The following USP12 variants were observed in gnomAD, a reference collection of about 807,000 sequenced individuals.
USP12 encodes the protein ubiquitin specific peptidase 12.
USP12 carries 19 observed loss-of-function variants against 45.5 expected under a neutral mutation model. The ratio of observed to expected loss-of-function variants is 0.42; its 90% CI spans 0.29 to 0.61. The LOEUF (loss-of-function observed/expected upper bound fraction) is 0.61. USP12 is among the 20% of genes least tolerant of loss of function. The probability of loss-of-function intolerance (pLI) is 0.22; values close to 1 mark genes in which losing one functional copy is unlikely to be tolerated. For synonymous variants in USP12, 149 were observed against 148.8 expected (o/e 1.00, Z -0.01); for missense variants, 242 against 447.7 (o/e 0.54, Z 4.15).
At position 27,071,104 on chromosome 13, in the gene USP12, A is replaced by G. The variant is rs149312874; in HGVS notation, c.978T>C (p.Asp326=). The G allele has an allele frequency of 7.6e-5, 123 of 1,609,960 alleles. No homozygotes were observed. In the Middle Eastern group the frequency reaches 1.5e-3, roughly 20 times the overall value. The change falls in exon 8 of 9, where the codon GAT becomes GAC. Residue 326 remains aspartate, a synonymous_variant. Coordinates refer to ENST00000282344, the MANE Select transcript of USP12 (RefSeq NM_182488.4). ...GHYIAIVKSH[D]FWLLFDDDIV... Reference sequence around the variant, plus strand: ...TGTCGTCATCAAACAACAACCAAAAATCATGACTCTTAACTATTGCAATAT... The same window carrying G: ...TGTCGTCATCAAACAACAACCAAAAGTCATGACTCTTAACTATTGCAATAT...
intron 1 of USP12, among the ~76,000 whole-genome samples, chr13:27,135,186 C>T (rs1876746209): frequency 2.0e-5 from 3 of 151,998 alleles, no homozygotes; most frequent in Admixed American, 2.0e-4. Flanking sequence ...ACTCAGGAAG[C>T]TGAGGTGGAA....
At chr13:27,074,664 G>A (rs1049790258) in intron 7 of USP12, among the ~76,000 whole-genome samples, 1 of 152,130 alleles carries the variant, frequency 6.6e-6, no homozygotes, top group Non-Finnish European at 1.5e-5. Context: ...CCAATTATAG[G>A]TATGTACGTT....
At chr13:27,146,586 C>T (rs556647) in intron 1 of USP12, among the ~76,000 whole-genome samples, 66 of 152,052 alleles carry the variant, frequency 4.3e-4, no homozygotes, top group Non-Finnish European at 8.1e-4. Context: ...TGCAGAGCTC[C>T]GATGTTGGCT....
rs114774810 is a variant in USP12 at position 27,144,410 on chromosome 13, G to A, written c.48+27182C>T. On this transcript the variant is annotated intron_variant, in intron 1 of 8. Coordinates refer to ENST00000282344, the MANE Select transcript of USP12 (RefSeq NM_182488.4). ...CTCAAGAGGCTGAGGCAGGATGTTCGCTTGAGCCCAGGAGGTCAAGACTGC... is the reference window on the plus strand; with the variant it reads ...CTCAAGAGGCTGAGGCAGGATGTTCACTTGAGCCCAGGAGGTCAAGACTGC... Among the ~76,000 whole-genome samples the A allele has an allele frequency of 7.8e-3, 1,177 of 150,320 alleles. 18 individuals are homozygous for A. The highest frequency in any genetic ancestry group is 0.027 in the African/African-American group (1,118 of 40,860).
Position 27,155,066 on chromosome 13 carries a change from CTTTTTTTTTTTTTTTTTT to C in USP12, c.48+16508_48+16525del, listed in dbSNP as rs71083634. On this transcript the variant is annotated intron_variant, in intron 1 of 8. Coordinates refer to ENST00000282344, the MANE Select transcript of USP12 (RefSeq NM_182488.4). ...TTTTTTTTTTTTCTGATGTCCACAA[CTTTTTTTTTTTTTTTTTT>C]TTTTTTTTTTTTTTTGAGACGGAAC... 9.2e-4 allele frequency among the ~76,000 whole-genome samples: 53 copies of C among 57,662 alleles called. 3 individuals carry two copies. Among genetic ancestry groups the C allele is most frequent in the Admixed American group, 2.2e-3 (7 of 3,202 alleles). The allele number at this position is 57,662 out of a possible 152,430, so 37.8% of individuals were successfully genotyped here.
chr13:27,167,788 CTT>C (rs1230345150), intron 1 of USP12, among the ~76,000 whole-genome samples: 7 of 152,184 alleles, frequency 4.6e-5, no homozygotes, highest in Admixed American at 1.3e-4. Flanking sequence ...GAAGAGGAGA[CTT>C]TCACACACAC....
intron 2 of USP12, among the ~76,000 whole-genome samples, chr13:27,112,113 A>C (rs1365748451): frequency 6.6e-6 from 1 of 152,148 alleles, no homozygotes; most frequent in Non-Finnish European, 1.5e-5. Context: ...GTCTAGGTTC[A>C]AGTCTGGTTC....
At chr13:27,142,340 G>A (rs1877103077) in intron 1 of USP12, among the ~76,000 whole-genome samples, 2 of 152,150 alleles carry the variant, frequency 1.3e-5, no homozygotes. Context: ...GAAGAATAAT[G>A]ATGAAAAGAC....
intron 3 of USP12, among the ~76,000 whole-genome samples, chr13:27,100,914 G>A (rs1874836600): frequency 1.3e-5 from 2 of 152,214 alleles, no homozygotes; most frequent in Non-Finnish European, 2.9e-5. Flanking sequence ...TTGGCTTGAT[G>A]CCACAATCTG....
At chr13:27,107,485 A>C (rs1875196278) in intron 2 of USP12, among the ~76,000 whole-genome samples, 1 of 152,214 alleles carries the variant, frequency 6.6e-6, no homozygotes, top group African/African-American at 2.4e-5. Context: ...AAATCAGAAA[A>C]ATAAAAGCCT....
At chr13:27,086,697 T>G (rs1874062035) in intron 6 of USP12, among the ~76,000 whole-genome samples, 3 of 152,154 alleles carry the variant, frequency 2.0e-5, no homozygotes, top group Admixed American at 6.5e-5. Flanking sequence ...CAGATGGGCC[T>G]TCCTCCATAT....
chr13:27,131,636 A>G (rs1876507918), intron 1 of USP12, among the ~76,000 whole-genome samples: 2 of 152,208 alleles, frequency 1.3e-5, no homozygotes, highest in Admixed American at 6.5e-5. Flanking sequence ...TTAGCTTCCT[A>G]TGGACAGTTA....
At chr13:27,096,021 A>G (rs1413340804) in intron 3 of USP12, among the ~76,000 whole-genome samples, 191 bp from the exon 4 acceptor site, 1 of 152,212 alleles carries the variant, frequency 6.6e-6, no homozygotes, top group Non-Finnish European at 1.5e-5. Flanking sequence ...AAATTAATTA[A>G]AATCTTGTTT....
intron 3 of USP12, 109 bp from the exon 4 acceptor site, chr13:27,095,939 C>T: frequency 1.3e-6 from 1 of 764,196 alleles, no homozygotes. Flanking sequence ...AATATAAATG[C>T]ACAATGTTTT....
At chr13:27,106,151 A>G (rs1411816169) in intron 2 of USP12, among the ~76,000 whole-genome samples, 1 of 150,320 alleles carries the variant, frequency 6.7e-6, no homozygotes, top group Non-Finnish European at 1.5e-5. Context: ...TCAGGTTCTT[A>G]GGTACATCCA....
At chr13:27,147,431 C>G (rs539747034) in intron 1 of USP12, among the ~76,000 whole-genome samples, 48 of 151,996 alleles carry the variant, frequency 3.2e-4, no homozygotes, top group Admixed American at 6.6e-4. Context: ...TCTAAAAATT[C>G]TAGCTAACAA....
At chr13:27,105,280 C>G (rs557508349) in intron 3 of USP12, among the ~76,000 whole-genome samples, 1 of 152,084 alleles carries the variant, frequency 6.6e-6, no homozygotes, top group African/African-American at 2.4e-5. Flanking sequence ...TCCTGGCAAG[C>G]CTTTTTTAGG....
chr13:27,170,790 A>G (rs78011900), intron 1 of USP12, among the ~76,000 whole-genome samples: 1 of 152,356 alleles, frequency 6.6e-6, no homozygotes, highest in East Asian at 1.9e-4. Flanking sequence ...AAGTAAACAA[A>G]TGACAGGAAA....
intron 1 of USP12, among the ~76,000 whole-genome samples, chr13:27,166,822 A>G (rs1878365524): frequency 6.6e-6 from 1 of 152,126 alleles, no homozygotes; most frequent in South Asian, 2.1e-4. Flanking sequence ...CCCTCTAATA[A>G]TCATTAAACA....
Sources: allele counts gnomAD v4.1 joint callset (sites outside exome capture counted in the v4.1 genomes callset), GRCh38; gene constraint gnomAD v4.1.1; transcripts MANE v1.5; gene names NCBI Gene and HGNC (gene_info 2026-07-23, HGNC 2026-07-21).